The following RPH3A variants were observed in gnomAD, a reference collection of about 807,000 sequenced individuals.
RPH3A encodes the protein rabphilin 3A, also known as rabphilin-3A.
RPH3A carries 48 observed loss-of-function variants against 102.2 expected under a neutral mutation model. The ratio of observed to expected loss-of-function variants is 0.47; its 90% confidence interval spans 0.37 to 0.60. The LOEUF is 0.60. Among genes scored for constraint, RPH3A ranks in the 20% least tolerant of loss-of-function variants. The probability of loss-of-function intolerance (pLI) is 0.00; values close to 1 mark genes in which losing one functional copy is unlikely to be tolerated. For missense variants in RPH3A, 781 were observed against 910.1 expected (o/e 0.86, Z 1.83); for synonymous variants, 310 against 324.3 (o/e 0.96, Z 0.47).
intron 6 of RPH3A, 33 bp downstream of exon 6, chr12:112,865,576 G>T: frequency 3.7e-6 from 6 of 1,604,706 alleles, no homozygotes; most frequent in Non-Finnish European, 5.1e-6. Context: ...TCTTCCCTGT[G>T]CAGCACCTGC....
At chr12:112,598,725 T>G (rs1360185357) in intron 1 of RPH3A, among the ~76,000 whole-genome samples, 1 of 152,114 alleles carries the variant, frequency 6.6e-6, no homozygotes, top group Non-Finnish European at 1.5e-5. Context: ...AAGTGCTTAA[T>G]AAAAGTTACC....
intron 1 of RPH3A, among the ~76,000 whole-genome samples, chr12:112,709,598 G>A (rs2040446541): frequency 6.6e-6 from 1 of 151,682 alleles, no homozygotes; most frequent in Non-Finnish European, 1.5e-5. Flanking sequence ...TGCATGCTAT[G>A]CATTGTTTAT....
chr12:112,606,124 T>G (rs2039594657), intron 1 of RPH3A, among the ~76,000 whole-genome samples: 1 of 152,300 alleles, frequency 6.6e-6, no homozygotes, highest in East Asian at 1.9e-4. Context: ...TTCCACAAGC[T>G]GTGACTCTAT....
chr12:112,630,347 G>A (rs1773886976), intron 1 of RPH3A, among the ~76,000 whole-genome samples: 2 of 152,206 alleles, frequency 1.3e-5, no homozygotes, highest in Non-Finnish European at 2.9e-5. Context: ...TTGAGGGAGA[G>A]TTCTCAGAAG....
intron 1 of RPH3A, among the ~76,000 whole-genome samples, chr12:112,619,320 T>C (rs2039703944): frequency 6.6e-6 from 1 of 151,126 alleles, no homozygotes; most frequent in Non-Finnish European, 1.5e-5. Flanking sequence ...AGTTTTGCTC[T>C]TGTTGCCCAG....
At chr12:112,635,873 A>T (rs1358121618) in intron 1 of RPH3A, among the ~76,000 whole-genome samples, 1 of 152,186 alleles carries the variant, frequency 6.6e-6, no homozygotes, top group African/African-American at 2.4e-5. Context: ...ACAAGGGAAA[A>T]TATCAGGTGC....
At chr12:112,803,004 G>A (rs914553896) in intron 2 of RPH3A, among the ~76,000 whole-genome samples, 1 of 152,168 alleles carries the variant, frequency 6.6e-6, no homozygotes, top group African/African-American at 2.4e-5. Context: ...GGCCAGAGAG[G>A]CCCCCAGAAG....
Position 112,678,320 on chromosome 12 carries a change from A to AGGAAG in RPH3A, c.-140+103002_-140+103003insGAAGG, listed in dbSNP as rs1487515158. Among the ~76,000 whole-genome samples, 40 of 49,078 alleles carry AGGAAG rather than the reference A, an allele frequency of 8.2e-4. 8 individuals carry two copies. The highest frequency in any genetic ancestry group is 9.6e-4 in the Admixed American group (6 of 6,220). 32.2% of individuals were successfully genotyped at this position (49,078 alleles called of 152,430 possible). A position where few individuals can be genotyped will look rare whatever the true frequency, so the allele number is the denominator to read the frequency against. Reference sequence around the variant, plus strand: ...AAGAAAGAAAGAGAGAGAGAGAGAAAGAAAGAAAGAAGGAAGGAAGGAAGG... The same window carrying AGGAAG: ...AAGAAAGAAAGAGAGAGAGAGAGAAAGGAAGGAAAGAAAGAAGGAAGGAAGGAAGG... On this transcript the variant is annotated intron_variant, in intron 1 of 21. Coordinates refer to the RPH3A transcript ENST00000543106.
At chr12:112,794,905 G>A (rs1593006380) in intron 2 of RPH3A, among the ~76,000 whole-genome samples, 1 of 152,310 alleles carries the variant, frequency 6.6e-6, no homozygotes, top group Non-Finnish European at 1.5e-5. Context: ...TCTCCAGCCC[G>A]TGCTGGTAAT....
At chr12:112,892,325 CT>C (rs1055818516) in intron 19 of RPH3A, among the ~76,000 whole-genome samples, 3 of 152,158 alleles carry the variant, frequency 2.0e-5, no homozygotes, top group Non-Finnish European at 4.4e-5. Context: ...ACAGGTGTGC[CT>C]GTAGAGGAGA....
chr12:112,685,382 G>A (rs1176551524), intron 1 of RPH3A, among the ~76,000 whole-genome samples: 1 of 152,148 alleles, frequency 6.6e-6, no homozygotes, highest in Admixed American at 6.5e-5. Context: ...CCATAGCAGT[G>A]GGAGGGATAA....
chr12:112,614,040 G>A (rs1434824922), intron 1 of RPH3A, among the ~76,000 whole-genome samples: 1 of 152,180 alleles, frequency 6.6e-6, no homozygotes, highest in African/African-American at 2.4e-5. Context: ...GGGACCACGA[G>A]CCAAGGAATG....
At chr12:112,723,547 C>A (rs536405440) in intron 1 of RPH3A, among the ~76,000 whole-genome samples, 2 of 152,342 alleles carry the variant, frequency 1.3e-5, no homozygotes, top group South Asian at 4.1e-4. Flanking sequence ...CCTTTCTCTG[C>A]TTCTTGGGAG....
intron 1 of RPH3A, among the ~76,000 whole-genome samples, chr12:112,738,149 A>G (rs1369581554): frequency 1.3e-5 from 2 of 151,588 alleles, no homozygotes; most frequent in Non-Finnish European, 2.9e-5. Context: ...TTCCTTGTGT[A>G]TATCTCTGTG....
intron 1 of RPH3A, among the ~76,000 whole-genome samples, chr12:112,711,561 A>G (rs2040462220): frequency 6.6e-6 from 1 of 152,150 alleles, no homozygotes; most frequent in South Asian, 2.1e-4. Flanking sequence ...AGCTAATGGA[A>G]TTTACTCAAG....
At chr12:112,820,002 T>A (rs1014557646) in intron 2 of RPH3A, among the ~76,000 whole-genome samples, 5 of 152,170 alleles carry the variant, frequency 3.3e-5, no homozygotes, top group African/African-American at 1.2e-4. Flanking sequence ...CACCTCTGGA[T>A]GGTAGGAGCT....
chr12:112,803,178 G>T (rs182649630), intron 2 of RPH3A, among the ~76,000 whole-genome samples: 13 of 152,280 alleles, frequency 8.5e-5, no homozygotes, highest in African/African-American at 2.9e-4. Context: ...TCCACAGCAG[G>T]GTGGTCTCTG....
At chr12:112,807,104 G>C (rs2136113447) in intron 2 of RPH3A, among the ~76,000 whole-genome samples, 1 of 152,106 alleles carries the variant, frequency 6.6e-6, no homozygotes, top group East Asian at 1.9e-4. Flanking sequence ...GTGCCTGCAG[G>C]ACCATGCAAT....
intron 5 of RPH3A, among the ~76,000 whole-genome samples, chr12:112,862,261 C>G (rs1005799858): frequency 6.6e-6 from 1 of 151,848 alleles, no homozygotes; most frequent in Non-Finnish European, 1.5e-5. Context: ...AAAAGTTAGC[C>G]GGGCATGGTT....
Sources: gnomAD v4.1 joint callset for allele counts (sites outside exome capture counted in the v4.1 genomes callset) on GRCh38, gnomAD v4.1.1 for gene constraint, MANE v1.5 for transcripts, NCBI Gene and HGNC (gene_info 2026-07-23, HGNC 2026-07-21) for gene names.